Variants in MLLT3 observed in about 807,000 individuals in gnomAD.
The protein encoded by MLLT3 is protein AF-9.
Under a neutral mutation model 53.2 loss-of-function variants are expected in MLLT3, and 4 were observed. The ratio of observed to expected loss-of-function variants is 0.08; its 90% CI spans 0.04 to 0.17. The LOEUF is 0.17. Ranked by LOEUF, MLLT3 falls within the 10% of genes least tolerant of loss-of-function variation. The pLI, the probability that MLLT3 is intolerant of heterozygous loss-of-function variation, is 1.00. For synonymous variants in MLLT3, 283 were observed against 230.6 expected (o/e 1.23, Z -2.06); for missense variants, 569 against 684.0 (o/e 0.83, Z 1.87).
At chr9:20,414,560 A>G in intron 4 of MLLT3, 135 bp from the exon 5 acceptor site, 6 of 1,280,196 alleles carry the variant, frequency 4.7e-6, no homozygotes, top group Non-Finnish European at 6.4e-6. Context: ...TTTAATATAA[A>G]CCAAAAACCA....
At chr9:20,592,752 T>C (rs932044293) in intron 2 of MLLT3, among the ~76,000 whole-genome samples, 2 of 152,116 alleles carry the variant, frequency 1.3e-5, no homozygotes, top group Non-Finnish European at 2.9e-5. Context: ...AAAAACACAC[T>C]CAGGTCTAAC....
At chr9:20,541,416 A>G (rs1385079572) in intron 2 of MLLT3, among the ~76,000 whole-genome samples, 1 of 152,226 alleles carries the variant, frequency 6.6e-6, no homozygotes. Context: ...GATAATTTAT[A>G]AAGAAAAGAA....
Position 20,621,149 on chromosome 9 carries a change from C to T in MLLT3, c.13-315G>A, listed in dbSNP as rs1433635146. On this transcript the variant is annotated intron_variant, in intron 1 of 10. Coordinates refer to ENST00000380338, the MANE Select transcript of MLLT3 (RefSeq NM_004529.4). This position sits in a 1 kb window ranked among gnomAD's most constrained non-coding sequence, Gnocchi z 7.0. ...AGAACACACTCAGCCACGACAAGCA[C>T]GACAACAAATGCATCGGAAACAAAT... is the stretch of plus-strand genomic sequence containing the variant. 6.6e-6 allele frequency among the ~76,000 whole-genome samples: 1 copy of T among 152,142 alleles called. No homozygotes were observed. Among genetic ancestry groups the T allele is most frequent in the African/African-American group, 2.4e-5 (1 of 41,416 alleles).
intron 2 of MLLT3, among the ~76,000 whole-genome samples, chr9:20,470,161 A>G (rs564559756): frequency 6.6e-6 from 1 of 152,126 alleles, no homozygotes; most frequent in South Asian, 2.1e-4. Context: ...AAAGATGAAC[A>G]TATACTTCTC....
At chr9:20,480,732 C>T (rs555869821) in intron 2 of MLLT3, among the ~76,000 whole-genome samples, 5 of 152,308 alleles carry the variant, frequency 3.3e-5, no homozygotes, top group African/African-American at 9.6e-5. Context: ...ACTCACCGAA[C>T]AAACCTTTGT....
intron 5 of MLLT3, among the ~76,000 whole-genome samples, chr9:20,376,338 G>A (rs1360627921): frequency 6.6e-6 from 1 of 152,086 alleles, no homozygotes; most frequent in Non-Finnish European, 1.5e-5. Context: ...GTTATCAAAA[G>A]CTATTGTTAT....
intron 2 of MLLT3, among the ~76,000 whole-genome samples, chr9:20,598,969 G>A (rs977447957): frequency 1.3e-5 from 2 of 152,200 alleles, no homozygotes; most frequent in East Asian, 3.8e-4. Flanking sequence ...ATTAAGAGAT[G>A]TGCCAAATTT....
intron 8 of MLLT3, among the ~76,000 whole-genome samples, chr9:20,356,819 C>T (rs1219012414): frequency 6.6e-6 from 1 of 152,178 alleles, no homozygotes; most frequent in Non-Finnish European, 1.5e-5. Context: ...AGTGCTACAG[C>T]ACAGAAGGCC....
In MLLT3 at chr9:20,622,421, C is replaced by G; in HGVS notation, c.-165G>C. 1 of 615,370 alleles carries G rather than the reference C, an allele frequency of 1.6e-6. No individual in the cohort carries two copies. 38.1% of individuals were successfully genotyped at this position (615,370 alleles called of 1,614,324 possible). ...CTTTTTCCCCCCGCGCTCGCTTGCT[C>G]GCTCGCTCGCTTATTAAACTCAGCC... On this transcript the variant is annotated 5_prime_UTR_variant, in exon 1 of 11. Coordinates refer to ENST00000380338, the MANE Select transcript of MLLT3 (RefSeq NM_004529.4).
intron 2 of MLLT3, among the ~76,000 whole-genome samples, chr9:20,590,827 C>T (rs1194464238): frequency 6.6e-6 from 1 of 152,118 alleles, no homozygotes; most frequent in Non-Finnish European, 1.5e-5. Flanking sequence ...CCTCGAATTC[C>T]TGGGCTCAAG....
At chr9:20,565,942 A>ATATATATTTATT (rs1819350600) in intron 2 of MLLT3, among the ~76,000 whole-genome samples, 1 of 12,428 alleles carries the variant, frequency 8.0e-5, no homozygotes, top group African/African-American at 1.6e-4. Flanking sequence ...ATATATTTAT[A>ATATATATTTATT]TATATATATA....
At chr9:20,439,435 A>G (rs948547657) in intron 4 of MLLT3, among the ~76,000 whole-genome samples, 2 of 113,400 alleles carry the variant, frequency 1.8e-5, no homozygotes, top group Non-Finnish European at 3.2e-5. Context: ...AGTCATCAGG[A>G]AAAAAAAAAA....
At chr9:20,596,243 G>A (rs1019946140) in intron 2 of MLLT3, among the ~76,000 whole-genome samples, 12 of 152,218 alleles carry the variant, frequency 7.9e-5, no homozygotes, top group African/African-American at 1.2e-4. Flanking sequence ...AAAAGCTTGC[G>A]GAATTAAATT....
chr9:20,344,758 T>C lies in MLLT3; in HGVS notation c.*1685A>G, dbSNP rs1820822797. 2 of 206,490 alleles carry C rather than the reference T, an allele frequency of 9.7e-6. No homozygotes were observed. The highest frequency in any genetic ancestry group is 2.0e-5 in the Non-Finnish European group (2 of 101,080). 12.8% of individuals were successfully genotyped at this position (206,490 alleles called of 1,614,324 possible). ...AATGCAGAAATAACTCCATTATCAA[T>C]CTGCATTTATATAACTGCCCAAAAG... On this transcript the variant is annotated 3_prime_UTR_variant, in exon 11 of 11. Transcript: ENST00000380338.
intron 2 of MLLT3, among the ~76,000 whole-genome samples, chr9:20,532,287 T>C (rs938548143): frequency 6.7e-6 from 1 of 148,420 alleles, no homozygotes; most frequent in African/African-American, 2.5e-5. Flanking sequence ...AGAAATACAT[T>C]ATGGAAAAAT....
chr9:20,407,522 A>G (rs1317280141), intron 5 of MLLT3, among the ~76,000 whole-genome samples: 1 of 152,202 alleles, frequency 6.6e-6, no homozygotes, highest in Non-Finnish European at 1.5e-5. Flanking sequence ...CAGGATTCAT[A>G]TGGGGGACAA....
intron 7 of MLLT3, chr9:20,363,208 G>A (rs1821368523): frequency 5.7e-6 from 2 of 350,946 alleles, no homozygotes; most frequent in South Asian, 7.6e-5. Flanking sequence ...AGTCAGTCCT[G>A]CCACTTGGCA....
chr9:20,446,508 G>T (rs1438522512), intron 4 of MLLT3, among the ~76,000 whole-genome samples: 2 of 152,162 alleles, frequency 1.3e-5, no homozygotes, highest in Admixed American at 6.5e-5. Flanking sequence ...GCTTTAAAAA[G>T]TTCTTGTGTC....
intron 5 of MLLT3, among the ~76,000 whole-genome samples, chr9:20,374,947 T>C (rs1002373469): frequency 1.3e-5 from 2 of 152,176 alleles, no homozygotes; most frequent in Non-Finnish European, 2.9e-5. Context: ...TAGGGCCCTC[T>C]TGATGGAATT....
Sources: gnomAD v4.1 joint callset for allele counts (sites outside exome capture counted in the v4.1 genomes callset) on GRCh38, gnomAD v4.1.1 for gene constraint, Gnocchi (gnomAD v3.1) non-coding constraint, MANE v1.5 for transcripts, NCBI Gene and HGNC (gene_info 2026-07-23, HGNC 2026-07-21) for gene names.